The following DOCK3 variants were observed in gnomAD, a reference collection of about 807,000 sequenced individuals.
DOCK3 encodes dedicator of cytokinesis 3.
Under a neutral mutation model 265.6 loss-of-function variants are expected in DOCK3, and 60 were observed. The ratio of observed to expected loss-of-function variants is 0.23; its 90% CI spans 0.18 to 0.28. The LOEUF (loss-of-function observed/expected upper bound fraction) is 0.28, where lower values mean the gene tolerates loss of function less well. DOCK3 is among the 10% of genes least tolerant of loss of function. The pLI, the probability that DOCK3 is intolerant of heterozygous loss-of-function variation, is 1.00. For synonymous variants in DOCK3, 881 were observed against 938.0 expected (o/e 0.94, Z 1.11); for missense variants, 1,981 against 2,594.3 (o/e 0.76, Z 5.14).
At chr3:50,700,574 C>T (rs1483627692) in intron 1 of DOCK3, among the ~76,000 whole-genome samples, 1 of 152,158 alleles carries the variant, frequency 6.6e-6, no homozygotes, top group African/African-American at 2.4e-5. Flanking sequence ...CACATAATGA[C>T]CTCTAGTTCC....
intron 2 of DOCK3, chr3:50,787,044 C>G: frequency 1.4e-6 from 1 of 738,856 alleles, no homozygotes; most frequent in Non-Finnish European, 2.6e-6. Flanking sequence ...AATTTCTTTT[C>G]TTCATATCCA....
At chr3:51,236,187 G>C (rs1172154588) in intron 19 of DOCK3, among the ~76,000 whole-genome samples, 158 bp from the exon 20 acceptor site, 1 of 152,184 alleles carries the variant, frequency 6.6e-6, no homozygotes, top group Non-Finnish European at 1.5e-5. Flanking sequence ...ACTTAGCTGG[G>C]TGGAGGGTCA....
chr3:50,949,571 C>T (rs2076535767), intron 5 of DOCK3, among the ~76,000 whole-genome samples: 1 of 152,018 alleles, frequency 6.6e-6, no homozygotes, highest in South Asian at 2.1e-4. Context: ...TTATCTTTTC[C>T]TTAAACATTT....
chr3:50,719,640 A>G, intron 1 of DOCK3: 1 of 1,568,374 alleles, frequency 6.4e-7, no homozygotes, highest in African/African-American at 1.3e-5. Flanking sequence ...AGTGCAGATG[A>G]AAAACTGGGA....
intron 4 of DOCK3, among the ~76,000 whole-genome samples, chr3:50,907,637 C>A (rs1031733610): frequency 5.3e-5 from 8 of 152,024 alleles, no homozygotes; most frequent in Non-Finnish European, 7.4e-5. Context: ...TATTTTGAGC[C>A]TCTGTGTGTC....
chr3:50,764,433 A>G (rs917535301), intron 1 of DOCK3, among the ~76,000 whole-genome samples: 32 of 152,220 alleles, frequency 2.1e-4, no homozygotes, highest in African/African-American at 7.0e-4. Context: ...GATGGTTTAA[A>G]GTATACAAGA....
chr3:50,851,892 A>G (rs1166738216), intron 3 of DOCK3, among the ~76,000 whole-genome samples: 1 of 152,236 alleles, frequency 6.6e-6, no homozygotes. Flanking sequence ...ATGGCTTTGT[A>G]TGCACCTGGA....
In DOCK3 at chr3:50,734,602, G is replaced by GGTTT. The variant is rs1553642737; in HGVS notation, c.38-44073_38-44072insGTTT. ...TATTATATTCTTGCTTTTACAGTGA[G>GGTTT]TTTTTTTTTTTTTTTTTTGAGATGG... On this transcript the variant is annotated intron_variant, in intron 1 of 52. Coordinates refer to ENST00000266037, the MANE Select transcript of DOCK3 (RefSeq NM_004947.5). Among the ~76,000 whole-genome samples the GGTTT allele has an allele frequency of 3.7e-5, 4 of 107,372 alleles. 1 individual carries two copies. The highest frequency in any genetic ancestry group is 3.0e-4 in the East Asian group (1 of 3,348). The allele number at this position is 107,372 out of a possible 152,430, so 70.4% of individuals were successfully genotyped here.
intron 6 of DOCK3, among the ~76,000 whole-genome samples, chr3:51,070,277 A>G (rs1373120049): frequency 6.6e-6 from 1 of 152,260 alleles, no homozygotes; most frequent in East Asian, 1.9e-4. Flanking sequence ...TCTTTCAAAC[A>G]GTTATGACTA....
chr3:51,260,607 A>T (rs1286249755), intron 23 of DOCK3, among the ~76,000 whole-genome samples: 1 of 152,196 alleles, frequency 6.6e-6, no homozygotes, highest in Non-Finnish European at 1.5e-5. Context: ...TTTAGCTACC[A>T]TACTACTTAG....
At chr3:50,915,298 G>T (rs2050058446) in intron 4 of DOCK3, among the ~76,000 whole-genome samples, 1 of 152,020 alleles carries the variant, frequency 6.6e-6, no homozygotes, top group African/African-American at 2.4e-5. Context: ...GGGCTTTGCA[G>T]TATCCCAGAC....
chr3:51,041,185 TA>T (rs2080489423), intron 5 of DOCK3, among the ~76,000 whole-genome samples: 5 of 15,078 alleles, frequency 3.3e-4, no homozygotes, highest in Non-Finnish European at 4.1e-4. Context: ...TATATATATA[TA>T]TATATATATA....
chr3:50,750,521 G>C (rs146904050), intron 1 of DOCK3, among the ~76,000 whole-genome samples: 1 of 152,000 alleles, frequency 6.6e-6, no homozygotes, highest in East Asian at 1.9e-4. Context: ...GTAGAGACGG[G>C]GTTTCACCAT....
chr3:50,758,177 CAA>C (rs771690340), intron 1 of DOCK3, among the ~76,000 whole-genome samples: 7,990 of 23,404 alleles, frequency 0.34, 217 homozygotes, highest in South Asian at 0.43. Context: ...GACTCTGTCT[CAA>C]AAAAAAAAAA....
intron 7 of DOCK3, among the ~76,000 whole-genome samples, chr3:51,077,248 C>T (rs533427695): frequency 1.3e-5 from 2 of 152,156 alleles, no homozygotes; most frequent in East Asian, 3.9e-4. Context: ...TAAGAATTCC[C>T]CTTGGAATAC....
intron 9 of DOCK3, among the ~76,000 whole-genome samples, chr3:51,095,639 G>T (rs2082814874): frequency 6.6e-6 from 1 of 151,414 alleles, no homozygotes; most frequent in Non-Finnish European, 1.5e-5. Context: ...TTTATCTTCT[G>T]GTTATACAGA....
chr3:50,733,253 T>C (rs930316807), intron 1 of DOCK3, among the ~76,000 whole-genome samples: 4 of 152,234 alleles, frequency 2.6e-5, no homozygotes, highest in Admixed American at 2.0e-4. Flanking sequence ...TGGTTTATTA[T>C]GTTGTTCAAG....
chr3:50,814,548 T>C (rs2043958336), intron 2 of DOCK3, among the ~76,000 whole-genome samples: 1 of 152,108 alleles, frequency 6.6e-6, no homozygotes, highest in South Asian at 2.1e-4. Flanking sequence ...TTTACAGGCA[T>C]GAGCCACCGC....
intron 40 of DOCK3, among the ~76,000 whole-genome samples, chr3:51,352,418 A>G (rs539662663): frequency 1.3e-5 from 2 of 152,320 alleles, no homozygotes; most frequent in African/African-American, 4.8e-5. Flanking sequence ...CACAGGACAC[A>G]TTAGTGTCTC....
Sources: allele counts gnomAD v4.1 joint callset (sites outside exome capture counted in the v4.1 genomes callset), GRCh38; gene constraint gnomAD v4.1.1; transcripts MANE v1.5; gene names NCBI Gene and HGNC (gene_info 2026-07-23, HGNC 2026-07-21).